The following EPHB2 variants were observed in gnomAD, a reference collection of about 807,000 sequenced individuals.
The protein encoded by EPHB2 is EPH receptor B2.
In EPHB2, 18 loss-of-function variants were observed where a neutral mutation model predicts 96.4. That is an observed-to-expected ratio of 0.19 (90% CI 0.13 to 0.28). The LOEUF (loss-of-function observed/expected upper bound fraction) is 0.28, where lower values mean the gene tolerates loss of function less well. Ranked by LOEUF, EPHB2 falls within the 10% of genes least tolerant of loss-of-function variation. EPHB2 has a pLI of 1.00. For missense variants in EPHB2, 989 were observed against 1,355.4 expected, an observed-to-expected ratio of 0.73 and a Z score of 4.25; for synonymous variants, 506 against 534.1, an observed-to-expected ratio of 0.95 and a Z score of 0.72.
At position 22,810,755 on chromosome 1, in the gene EPHB2, A is replaced by G. The variant is rs537218779; in HGVS notation, c.811+25679A>G. On this transcript the variant is annotated intron_variant, in intron 3 of 15. Transcript: ENST00000374630. The stretch of plus-strand genomic sequence containing the variant: ...CTGCCTTCCCATCCCACTCCCATCC[A>G]GGCCCCATCTGATTCCTTGTCACTT... Among the ~76,000 whole-genome samples, 5 of 152,152 alleles carry G rather than the reference A, an allele frequency of 3.3e-5. No homozygotes were observed. The East Asian group carries it at 9.7e-4, about 30-fold the overall frequency.
rs1342336681 is a variant in EPHB2, at chr1:22,801,336, C to G, written c.811+16260C>G. Among the ~76,000 whole-genome samples, 3 of 152,180 alleles carry G rather than the reference C, an allele frequency of 2.0e-5. No homozygotes were observed. The East Asian group carries it at 5.8e-4, about 29-fold the overall frequency. ...GGAAGGGACACCCATGAATGCCCCC[C>G]TTCCTGTGGGCCCTCTGCTCCAAGC... is the stretch of plus-strand genomic sequence containing the variant. On this transcript the variant is annotated intron_variant, in intron 3 of 15. Transcript: ENST00000374630.
chr1:22,809,354 C>T lies in EPHB2; in HGVS notation c.811+24278C>T, dbSNP rs115970442. Among the ~76,000 whole-genome samples, 1,212 of 152,296 alleles carry T rather than the reference C, an allele frequency of 8.0e-3. 12 individuals carry two copies. The highest frequency in any genetic ancestry group is 0.034 in the Middle Eastern group (10 of 294). On this transcript the variant is annotated intron_variant, in intron 3 of 15. Coordinates refer to ENST00000374630, the MANE Select transcript of EPHB2 (RefSeq NM_017449.5). ...ATTAAGTGGAGCTTAGGTTGGGGTG[C>T]AGAGATGTCTACAGATCAGACAGAA...
chr1:22,777,117 A>G (rs1220881761), intron 1 of EPHB2, among the ~76,000 whole-genome samples: 1 of 152,242 alleles, frequency 6.6e-6, no homozygotes, highest in Non-Finnish European at 1.5e-5. Flanking sequence ...ACAGATGAAC[A>G]TTAGGGCAGG....
At chr1:22,834,410 C>T (rs1479481328) in intron 3 of EPHB2, among the ~76,000 whole-genome samples, 2 of 152,032 alleles carry the variant, frequency 1.3e-5, no homozygotes, top group Non-Finnish European at 2.9e-5. Flanking sequence ...TGACTTCGGA[C>T]GATTAAAATA....
chr1:22,860,037 G>T lies in EPHB2; in HGVS notation c.812-3000G>T, dbSNP rs948100688. Among the ~76,000 whole-genome samples the T allele has an allele frequency of 1.1e-4, 16 of 152,220 alleles. No individual in the cohort carries two copies. Among genetic ancestry groups the T allele is most frequent in the Admixed American group, 1.0e-3 (16 of 15,282 alleles). ...AAATGGAATCCTGCTTTCATGGCTGGCTTCTTTCACTGAGCACGATGTGTC... is the reference window on the plus strand; with the variant it reads ...AAATGGAATCCTGCTTTCATGGCTGTCTTCTTTCACTGAGCACGATGTGTC... On this transcript the variant is annotated intron_variant, in intron 3 of 15. Coordinates refer to ENST00000374630, the MANE Select transcript of EPHB2 (RefSeq NM_017449.5). The surrounding 1 kb of genome is among the most constrained non-coding windows in gnomAD (Gnocchi z 4.6).
intron 3 of EPHB2, among the ~76,000 whole-genome samples, chr1:22,816,494 T>C (rs1413679258): frequency 6.6e-6 from 1 of 152,186 alleles, no homozygotes; most frequent in Non-Finnish European, 1.5e-5. Flanking sequence ...ACCTTAGGTC[T>C]CAAACTTGCC....
chr1:22,896,386 C>T (rs1331705476), intron 8 of EPHB2, 28 bp from the exon 9 acceptor site: 1 of 1,614,064 alleles, frequency 6.2e-7, no homozygotes, highest in Admixed American at 1.7e-5. Context: ...CTTCAGGTGG[C>T]TCCAGCCCTT....
At chr1:22,819,137 G>A (rs1414025295) in intron 3 of EPHB2, among the ~76,000 whole-genome samples, 1 of 151,246 alleles carries the variant, frequency 6.6e-6, no homozygotes, top group South Asian at 2.1e-4. Context: ...AAAAAGACAA[G>A]CCTGAATTAG....
At chr1:22,863,298 C>A in intron 4 of EPHB2, 106 bp downstream of exon 4, 2 of 1,560,390 alleles carry the variant, frequency 1.3e-6, no homozygotes, top group Non-Finnish European at 1.7e-6. Context: ...GCCAGTCTTT[C>A]CCTGGTGGGA....
chr1:22,727,858 G>C (rs556078752), intron 1 of EPHB2, among the ~76,000 whole-genome samples: 9 of 149,460 alleles, frequency 6.0e-5, no homozygotes, highest in African/African-American at 2.2e-4. Flanking sequence ...GCCCAGGCTG[G>C]TCTTGAACTC....
chr1:22,826,075 C>T (rs1029471586), intron 3 of EPHB2, among the ~76,000 whole-genome samples: 2 of 152,132 alleles, frequency 1.3e-5, no homozygotes, highest in Non-Finnish European at 2.9e-5. Flanking sequence ...ACTGGGGAGC[C>T]ACGGCCAGAT....
At chr1:22,824,824 C>T (rs918399161) in intron 3 of EPHB2, among the ~76,000 whole-genome samples, 1 of 152,198 alleles carries the variant, frequency 6.6e-6, no homozygotes, top group African/African-American at 2.4e-5. Flanking sequence ...GGGATGGCAG[C>T]CCCGTGAGCA....
At chr1:22,905,844 C>A in intron 9 of EPHB2, 143 bp from the exon 10 acceptor site, 2 of 1,306,332 alleles carry the variant, frequency 1.5e-6, no homozygotes, top group Non-Finnish European at 2.1e-6. Context: ...CCAGAGAGGT[C>A]AAGTGACCTG....
At chr1:22,898,215 G>C (rs1639632035) in intron 9 of EPHB2, among the ~76,000 whole-genome samples, 2 of 152,106 alleles carry the variant, frequency 1.3e-5, no homozygotes, top group African/African-American at 4.8e-5. Flanking sequence ...ATTTGAAGAT[G>C]AAAGTGCTAT....
rs555684551 is a variant in EPHB2 at position 22,792,091 on chromosome 1, CT to C, written c.811+7018del. Among the ~76,000 whole-genome samples, 8 of 152,144 alleles carry C rather than the reference CT, an allele frequency of 5.3e-5. No individual in the cohort carries two copies. In the South Asian group the frequency reaches 1.7e-3, roughly 32 times the overall value. On this transcript the variant is annotated intron_variant, in intron 3 of 15. Coordinates refer to ENST00000374630, the MANE Select transcript of EPHB2 (RefSeq NM_017449.5). ...CCAAGGGAGGGAGGGGCCAGGGGTC[CT>C]TTCTGGGCCTTCAGAGTTGGATCCT...
intron 1 of EPHB2, among the ~76,000 whole-genome samples, chr1:22,713,661 G>A (rs1366101814): frequency 6.6e-6 from 1 of 152,188 alleles, no homozygotes; most frequent in Non-Finnish European, 1.5e-5. Flanking sequence ...GGACTGGGCC[G>A]TGGAGCAGTA....
At chr1:22,909,586 T>C (rs1307564856) in intron 13 of EPHB2, among the ~76,000 whole-genome samples, 2 of 152,170 alleles carry the variant, frequency 1.3e-5, no homozygotes, top group African/African-American at 4.8e-5. Context: ...ACCGGCAGCA[T>C]GGGCAAGATC....
chr1:22,838,872 A>C (rs1645423356), intron 3 of EPHB2, among the ~76,000 whole-genome samples: 1 of 152,140 alleles, frequency 6.6e-6, no homozygotes, highest in Admixed American at 6.5e-5. Context: ...CAGAGCTTGC[A>C]GTGAGCCGAG....
At chr1:22,862,912 T>G in intron 3 of EPHB2, 125 bp from the exon 4 acceptor site, 1 of 1,277,646 alleles carries the variant, frequency 7.8e-7, no homozygotes, top group South Asian at 1.2e-5. Flanking sequence ...AGATGAGATT[T>G]TCCAGCAGTG....
Sources: allele counts gnomAD v4.1 joint callset (sites outside exome capture counted in the v4.1 genomes callset), GRCh38; gene constraint gnomAD v4.1.1; non-coding constraint Gnocchi (gnomAD v3.1); transcripts MANE v1.5; gene names NCBI Gene and HGNC (gene_info 2026-07-23, HGNC 2026-07-21).